Variants in KCNIP4 observed in about 807,000 individuals in gnomAD.
KCNIP4 encodes Kv channel-interacting protein 4.
In KCNIP4, 12 loss-of-function variants were observed where a neutral mutation model predicts 34.0. The ratio of observed to expected loss-of-function variants is 0.35; its 90% CI spans 0.23 to 0.57. KCNIP4 has a LOEUF of 0.57. KCNIP4 is among the 20% of genes least tolerant of loss of function. KCNIP4 has a pLI of 0.83. For synonymous variants in KCNIP4, 124 were observed against 102.2 expected (o/e 1.21, Z -1.29); for missense variants, 238 against 311.7 (o/e 0.76, Z 1.78).
In KCNIP4 at chr4:21,180,881, C is replaced by T. The variant is rs577366562; in HGVS notation, c.62-298172G>A. On this transcript the variant is annotated intron_variant, in intron 1 of 8. Transcript: ENST00000382152. ...TGATTATGAAGTGATTATATAGTAA[C>T]ATTCTAATCTCCTGGTTATGAAAAA... Among the ~76,000 whole-genome samples, 29 of 151,830 alleles carry T rather than the reference C, an allele frequency of 1.9e-4. No homozygotes were observed. The South Asian group carries it at 6.0e-3, about 32-fold the overall frequency.
At chr4:21,353,234 C>G (rs577432419) in intron 1 of KCNIP4, among the ~76,000 whole-genome samples, 1 of 152,290 alleles carries the variant, frequency 6.6e-6, no homozygotes, top group African/African-American at 2.4e-5. Context: ...CAGAGCACCT[C>G]TTCTCCTCCA....
chr4:21,541,180 C>CAAAAAAAAAAAAAAAAAA (rs60459395), intron 1 of KCNIP4, among the ~76,000 whole-genome samples: 6 of 107,472 alleles, frequency 5.6e-5, no homozygotes, highest in Non-Finnish European at 9.4e-5. Context: ...CAAAAGAAAA[C>CAAAAAAAAAAAAAAAAAA]AAAAAAAAAA....
intron 1 of KCNIP4, among the ~76,000 whole-genome samples, chr4:21,078,810 C>T (rs1032463514): frequency 8.6e-5 from 13 of 152,042 alleles, no homozygotes; most frequent in Admixed American, 7.2e-4. Context: ...TAGTGTGGTA[C>T]TTCTAGTTTC....
At chr4:21,124,197 G>A (rs532064552) in intron 1 of KCNIP4, among the ~76,000 whole-genome samples, 31 of 152,020 alleles carry the variant, frequency 2.0e-4, no homozygotes, top group African/African-American at 3.4e-4. Context: ...TGGTATCAAC[G>A]TCATACAGTG....
At chr4:21,249,430 T>A (rs1251464664) in intron 1 of KCNIP4, among the ~76,000 whole-genome samples, 1 of 152,092 alleles carries the variant, frequency 6.6e-6, no homozygotes, top group East Asian at 1.9e-4. Flanking sequence ...GTTCTCTTCC[T>A]CTAACCTTGG....
chr4:21,190,496 T>TGC (rs1353227462), intron 1 of KCNIP4, among the ~76,000 whole-genome samples: 1 of 118,262 alleles, frequency 8.5e-6, no homozygotes, highest in Non-Finnish European at 1.7e-5. Flanking sequence ...TGTTTCTTTT[T>TGC]GCGAGTGGGT....
chr4:21,546,500 A>G (rs1181034656), intron 1 of KCNIP4, among the ~76,000 whole-genome samples: 1 of 152,074 alleles, frequency 6.6e-6, no homozygotes, highest in African/African-American at 2.4e-5. Context: ...GAACCGAAAG[A>G]TTGTATATTC....
intron 1 of KCNIP4, among the ~76,000 whole-genome samples, chr4:21,292,109 C>G (rs975425376): frequency 4.6e-5 from 7 of 152,066 alleles, no homozygotes; most frequent in African/African-American, 1.7e-4. Context: ...TTTTCTTAAG[C>G]ATTTTCAACA....
chr4:21,064,925 C>T, intron 1 of KCNIP4, among the ~76,000 whole-genome samples: 1 of 152,158 alleles, frequency 6.6e-6, no homozygotes, highest in East Asian at 1.9e-4. Context: ...GGGTCAGCTT[C>T]TTACTTTGGA....
intron 1 of KCNIP4, among the ~76,000 whole-genome samples, chr4:21,629,138 GT>G (rs1252959679): frequency 6.6e-6 from 1 of 152,164 alleles, no homozygotes; most frequent in Non-Finnish European, 1.5e-5. Flanking sequence ...TTGCAAAGCA[GT>G]GCAAAGCAAT....
In KCNIP4 at chr4:21,387,055, G is replaced by T. The variant is rs1323162357; in HGVS notation, c.62-504346C>A. 3.9e-5 allele frequency among the ~76,000 whole-genome samples: 6 copies of T among 152,164 alleles called. No homozygotes were observed. The East Asian group carries it at 9.6e-4, about 24-fold the overall frequency. On this transcript the variant is annotated intron_variant, in intron 1 of 8. Coordinates refer to ENST00000382152, the MANE Select transcript of KCNIP4 (RefSeq NM_025221.6). ...AACTGCATTTTGGAGGCAATGGCCT[G>T]AAGGTAGGTTATTTCCATGCCTAGA...
chr4:20,960,168 C>T (rs1733710027), intron 1 of KCNIP4, among the ~76,000 whole-genome samples: 1 of 152,134 alleles, frequency 6.6e-6, no homozygotes, highest in South Asian at 2.1e-4. Context: ...AGCATGTGTT[C>T]CAGGACTGAG....
At chr4:21,197,114 A>G (rs1313719695) in intron 1 of KCNIP4, among the ~76,000 whole-genome samples, 1 of 152,210 alleles carries the variant, frequency 6.6e-6, no homozygotes, top group East Asian at 1.9e-4. Context: ...AAAGCCGTAT[A>G]ATATTCAATT....
intron 1 of KCNIP4, among the ~76,000 whole-genome samples, chr4:21,749,344 G>A (rs1386940240): frequency 6.6e-6 from 1 of 152,094 alleles, no homozygotes; most frequent in African/African-American, 2.4e-5. Flanking sequence ...GGAGCATTTT[G>A]TCAATGTTGG....
chr4:21,913,259 G>A (rs1728441311), intron 1 of KCNIP4, among the ~76,000 whole-genome samples: 1 of 152,106 alleles, frequency 6.6e-6, no homozygotes, highest in African/African-American at 2.4e-5. Context: ...AGGATTTCTC[G>A]AGTCCAGGAG....
intron 1 of KCNIP4, among the ~76,000 whole-genome samples, chr4:21,812,896 T>C (rs1721746469): frequency 6.6e-6 from 1 of 152,168 alleles, no homozygotes; most frequent in Non-Finnish European, 1.5e-5. Flanking sequence ...GTGCTTGGGA[T>C]ATAGGATTCC....
At chr4:21,731,791 T>C (rs1263547048) in intron 1 of KCNIP4, among the ~76,000 whole-genome samples, 1 of 152,138 alleles carries the variant, frequency 6.6e-6, no homozygotes, top group Non-Finnish European at 1.5e-5. Context: ...TGTCACCATA[T>C]GCCATCAAGA....
chr4:20,999,879 A>G (rs1737945512), intron 1 of KCNIP4, among the ~76,000 whole-genome samples: 1 of 152,218 alleles, frequency 6.6e-6, no homozygotes, highest in Admixed American at 6.5e-5. Context: ...CTCTGAAACA[A>G]GAAGGAAACA....
chr4:21,773,253 T>C (rs1334362752), intron 1 of KCNIP4, among the ~76,000 whole-genome samples: 1 of 152,228 alleles, frequency 6.6e-6, no homozygotes, highest in Non-Finnish European at 1.5e-5. Context: ...TGCTGGGTTC[T>C]AATTTAATTG....
Sources: gnomAD v4.1 joint callset for allele counts (sites outside exome capture counted in the v4.1 genomes callset) on GRCh38, gnomAD v4.1.1 for gene constraint, MANE v1.5 for transcripts, NCBI Gene and HGNC (gene_info 2026-07-23, HGNC 2026-07-21) for gene names.